Variants in ASIC2 observed in about 807,000 individuals in gnomAD.
ASIC2 encodes acid sensing ion channel subunit 2, also known as acid-sensing ion channel 2.
A neutral mutation model predicts 57.3 loss-of-function variants in ASIC2; 25 were observed. The ratio of observed to expected loss-of-function variants is 0.44; its 90% CI spans 0.32 to 0.61. The LOEUF is 0.61. Ranked by LOEUF, ASIC2 falls within the 20% of genes least tolerant of loss-of-function variation. The pLI, the probability that ASIC2 is intolerant of heterozygous loss-of-function variation, is 0.06. For missense variants in ASIC2, 641 were observed against 738.1 expected, an observed-to-expected ratio of 0.87 and a Z score of 1.52; for synonymous variants, 319 against 307.5, an observed-to-expected ratio of 1.04 and a Z score of -0.39.
intron 1 of ASIC2, among the ~76,000 whole-genome samples, chr17:34,061,509 C>T (rs147890619): frequency 1.1e-3 from 175 of 152,216 alleles, no homozygotes; most frequent in African/African-American, 3.6e-3. Flanking sequence ...ATGAAAGCAA[C>T]GGTACCTCAC....
At chr17:33,151,203 G>A (rs148625215) in intron 1 of ASIC2, among the ~76,000 whole-genome samples, 2,004 of 142,072 alleles carry the variant, frequency 0.014, 21 homozygotes, top group East Asian at 0.037. Context: ...ACACACACGC[G>A]CGCACACACA....
intron 2 of ASIC2, among the ~76,000 whole-genome samples, chr17:33,091,320 G>T (rs958789821): frequency 1.3e-5 from 2 of 152,200 alleles, no homozygotes; most frequent in African/African-American, 4.8e-5. Context: ...AGATGGGGAA[G>T]AAGGGTGAGT....
intron 7 of ASIC2, among the ~76,000 whole-genome samples, chr17:33,019,795 G>GTC (rs10578415): frequency 1.1e-3 from 162 of 148,938 alleles, no homozygotes; most frequent in Middle Eastern, 7.1e-3. Flanking sequence ...TGCTCTGTAT[G>GTC]TCTCTCTCTC....
intron 1 of ASIC2, among the ~76,000 whole-genome samples, chr17:33,662,458 TAAAA>T (rs1444903481): frequency 6.8e-6 from 1 of 146,652 alleles, no homozygotes; most frequent in Non-Finnish European, 1.5e-5. Flanking sequence ...CCATCTCCAC[TAAAA>T]ATACAAAAAT....
intron 1 of ASIC2, among the ~76,000 whole-genome samples, chr17:33,952,100 C>T (rs967559296): frequency 6.6e-6 from 1 of 152,086 alleles, no homozygotes; most frequent in Non-Finnish European, 1.5e-5. Context: ...ATGATATCTT[C>T]AAATTGCTTT....
intron 1 of ASIC2, among the ~76,000 whole-genome samples, chr17:33,537,380 A>G (rs780202905): frequency 6.6e-6 from 1 of 152,128 alleles, no homozygotes; most frequent in Non-Finnish European, 1.5e-5. Flanking sequence ...AGCTATCTAA[A>G]ATAGTCACCT....
intron 1 of ASIC2, among the ~76,000 whole-genome samples, chr17:34,099,428 AAAG>A (rs1178206509): frequency 1.5e-5 from 2 of 136,084 alleles, no homozygotes; most frequent in African/African-American, 2.7e-5. Context: ...AGAATGAAAG[AAAG>A]AAGAAAAGAA....
intron 1 of ASIC2, among the ~76,000 whole-genome samples, chr17:33,426,558 G>C (rs1216935987): frequency 6.6e-6 from 1 of 152,208 alleles, no homozygotes; most frequent in South Asian, 2.1e-4. Flanking sequence ...TGGATACCAG[G>C]CATGAGTGGG....
intron 2 of ASIC2, among the ~76,000 whole-genome samples, chr17:33,099,215 C>A (rs1467019913): frequency 6.6e-6 from 1 of 151,902 alleles, no homozygotes; most frequent in African/African-American, 2.4e-5. Flanking sequence ...CGGGGTTTCT[C>A]CATGTTGGCC....
At chr17:33,427,975 A>G (rs1335441810) in intron 1 of ASIC2, among the ~76,000 whole-genome samples, 1 of 152,328 alleles carries the variant, frequency 6.6e-6, no homozygotes, top group East Asian at 1.9e-4. Flanking sequence ...AGGATGCTCA[A>G]TCAACCTTGT....
At chr17:33,227,237 G>T (rs115872751) in intron 1 of ASIC2, among the ~76,000 whole-genome samples, 1 of 152,148 alleles carries the variant, frequency 6.6e-6, no homozygotes, top group Non-Finnish European at 1.5e-5. Context: ...GGGCACTGGA[G>T]GATGTCTGAT....
intron 1 of ASIC2, among the ~76,000 whole-genome samples, chr17:33,657,689 T>C (rs1907118172): frequency 6.7e-6 from 1 of 148,808 alleles, no homozygotes; most frequent in South Asian, 2.1e-4. Flanking sequence ...CCCGAAAGCT[T>C]ATATGAAAAC....
intron 1 of ASIC2, among the ~76,000 whole-genome samples, chr17:33,186,231 C>T (rs114797927): frequency 0.011 from 1,679 of 152,244 alleles, 19 homozygotes; most frequent in African/African-American, 0.026. Context: ...CTGCCTCAGA[C>T]TCTCGAGTAG....
chr17:33,249,763 T>C (rs1908818020), intron 1 of ASIC2, among the ~76,000 whole-genome samples: 1 of 152,188 alleles, frequency 6.6e-6, no homozygotes, highest in Non-Finnish European at 1.5e-5. Flanking sequence ...TTGCAGCGGT[T>C]GCATAAACCT....
chr17:33,168,058 T>C (rs319775), intron 1 of ASIC2, among the ~76,000 whole-genome samples: 81,091 of 152,144 alleles, frequency 0.53, 22,150 homozygotes, highest in Non-Finnish European at 0.6. Context: ...GAGTGGGCTC[T>C]GGATAAAATG....
chr17:33,618,859 C>G (rs1426412169), intron 1 of ASIC2, among the ~76,000 whole-genome samples: 7 of 152,190 alleles, frequency 4.6e-5, no homozygotes, highest in African/African-American at 1.4e-4. Flanking sequence ...ACACCAGGCT[C>G]TCTCATGAGC....
chr17:33,343,632 G>A (rs1387076024), intron 1 of ASIC2, among the ~76,000 whole-genome samples: 1 of 152,122 alleles, frequency 6.6e-6, no homozygotes, highest in Non-Finnish European at 1.5e-5. Flanking sequence ...ATGGCTTTGG[G>A]TATCATAAAG....
intron 1 of ASIC2, among the ~76,000 whole-genome samples, chr17:33,406,797 T>G (rs1910490760): frequency 6.6e-6 from 1 of 152,020 alleles, no homozygotes; most frequent in Non-Finnish European, 1.5e-5. Flanking sequence ...CCCTAAAGAG[T>G]TTACAAGTAT....
chr17:33,505,709 A>C (rs1004707624), intron 1 of ASIC2, among the ~76,000 whole-genome samples: 1 of 152,186 alleles, frequency 6.6e-6, no homozygotes, highest in Non-Finnish European at 1.5e-5. Flanking sequence ...CTAGCCTCCT[A>C]GTCTCAGCAC....
Sources: gnomAD v4.1 joint callset for allele counts (sites outside exome capture counted in the v4.1 genomes callset) on GRCh38, gnomAD v4.1.1 for gene constraint, MANE v1.5 for transcripts, NCBI Gene and HGNC (gene_info 2026-07-23, HGNC 2026-07-21) for gene names.